GRHL2: variants seen among roughly 807,000 people sequenced by gnomAD.
The protein encoded by GRHL2 is grainyhead-like protein 2 homolog.
In GRHL2, 21 loss-of-function variants were observed where a neutral mutation model predicts 83.8. The ratio of observed to expected loss-of-function variants is 0.25; its 90% CI spans 0.18 to 0.36. The LOEUF (loss-of-function observed/expected upper bound fraction) is 0.36, where lower values mean the gene tolerates loss of function less well. Ranked by LOEUF, GRHL2 falls within the 10% of genes least tolerant of loss-of-function variation. The probability of loss-of-function intolerance (pLI) is 1.00; values close to 1 mark genes in which losing one functional copy is unlikely to be tolerated. For missense variants in GRHL2, 623 were observed against 781.8 expected, an observed-to-expected ratio of 0.80 and a Z score of 2.42; for synonymous variants, 280 against 278.9, an observed-to-expected ratio of 1.00 and a Z score of -0.04.
intron 8 of GRHL2, among the ~76,000 whole-genome samples, chr8:101,611,441 G>A (rs1363294317): frequency 6.6e-6 from 1 of 150,616 alleles, no homozygotes; most frequent in Admixed American, 6.6e-5. Flanking sequence ...TTGTCATGTG[G>A]ACACCTCCTT....
intron 14 of GRHL2, among the ~76,000 whole-genome samples, chr8:101,651,801 C>G (rs1170442436): frequency 1.3e-5 from 2 of 152,176 alleles, no homozygotes; most frequent in Non-Finnish European, 2.9e-5. Context: ...TGGCTCTGGT[C>G]AGATGTCTTA....
chr8:101,529,146 T>C (rs1810867723), intron 1 of GRHL2: 1 of 302,246 alleles, frequency 3.3e-6, no homozygotes. Flanking sequence ...ACATCTTCAT[T>C]TGCCTCTTCA....
At chr8:101,674,371 G>A (rs556693334), downstream of GRHL2, among the ~76,000 whole-genome samples, 1 of 152,158 alleles carries the variant, frequency 6.6e-6, no homozygotes, top group South Asian at 2.1e-4. Flanking sequence ...AATGATAAAG[G>A]GGATGTCACC....
chr8:101,648,882 G>A (rs369855950), intron 13 of GRHL2, among the ~76,000 whole-genome samples: 2 of 152,110 alleles, frequency 1.3e-5, no homozygotes, highest in African/African-American at 2.4e-5. Context: ...TCACGGCCAG[G>A]CCCCTATAAG....
chr8:101,520,421 T>A lies in GRHL2; in HGVS notation c.21-22820T>A, dbSNP rs140411574. Among the ~76,000 whole-genome samples, 334 of 152,284 alleles carry A rather than the reference T, an allele frequency of 2.2e-3. 4 individuals are homozygous for A. Among genetic ancestry groups the A allele is most frequent in the African/African-American group, 6.4e-3 (264 of 41,564 alleles). ...GGCTACAGAATCTTAAGGAAGACCTTATAAAGATGATTTTTCTCATTATGC... is the reference window on the plus strand; with the variant it reads ...GGCTACAGAATCTTAAGGAAGACCTAATAAAGATGATTTTTCTCATTATGC... On this transcript the variant is annotated intron_variant, in intron 1 of 15. Transcript: ENST00000646743.
At chr8:101,520,981 T>C (rs571864973) in intron 1 of GRHL2, among the ~76,000 whole-genome samples, 48 of 152,250 alleles carry the variant, frequency 3.2e-4, no homozygotes, top group African/African-American at 1.1e-3. Context: ...CCCATCTCAA[T>C]CTAAATTAGA....
At chr8:101,642,203 C>A (rs1813416144) in intron 12 of GRHL2, among the ~76,000 whole-genome samples, 1 of 152,116 alleles carries the variant, frequency 6.6e-6, no homozygotes, top group Non-Finnish European at 1.5e-5. Context: ...GAATTTGAGC[C>A]ACATAAACTT....
chr8:101,623,524 GGACAGTTCACAGTAA>G (rs1333395558), intron 9 of GRHL2, among the ~76,000 whole-genome samples: 1 of 142,266 alleles, frequency 7.0e-6, no homozygotes, highest in Non-Finnish European at 1.5e-5. Context: ...GTACACAATA[GGACAGTTCACAGTAA>G]GACAGTTCAC....
intron 1 of GRHL2, among the ~76,000 whole-genome samples, chr8:101,520,909 C>T (rs1810669330): frequency 6.6e-6 from 1 of 152,162 alleles, no homozygotes; most frequent in Admixed American, 6.5e-5. Context: ...AGAAATTCCT[C>T]CTCCTTCTGC....
chr8:101,680,070 T>A, the GRHL2 span, among the ~76,000 whole-genome samples: 2 of 118,194 alleles, frequency 1.7e-5, 1 homozygote, highest in Non-Finnish European at 3.5e-5. Context: ...AATTCACACA[T>A]AACAATATTA....
At chr8:101,625,090 A>T (rs1262133958) in intron 9 of GRHL2, among the ~76,000 whole-genome samples, 1 of 152,136 alleles carries the variant, frequency 6.6e-6, no homozygotes, top group East Asian at 1.9e-4. Context: ...TAAAGCACAA[A>T]TAAGGAAGCA....
intron 2 of GRHL2, among the ~76,000 whole-genome samples, chr8:101,551,385 T>C (rs921589081): frequency 6.6e-6 from 1 of 152,146 alleles, no homozygotes; most frequent in Non-Finnish European, 1.5e-5. Flanking sequence ...GAGATGAGAT[T>C]TGAACCCAGG....
At chr8:101,555,602 C>T (rs1811474607) in intron 3 of GRHL2, among the ~76,000 whole-genome samples, 1 of 152,096 alleles carries the variant, frequency 6.6e-6, no homozygotes, top group Non-Finnish European at 1.5e-5. Context: ...TAGCTGGATT[C>T]AGATGAAACA....
At chr8:101,514,417 A>G (rs1343060006) in intron 1 of GRHL2, among the ~76,000 whole-genome samples, 2 of 152,190 alleles carry the variant, frequency 1.3e-5, no homozygotes, top group African/African-American at 4.8e-5. Flanking sequence ...GGAGTAGGGG[A>G]GCTACGCAAG....
chr8:101,589,544 AC>A (rs1812233131), intron 7 of GRHL2, among the ~76,000 whole-genome samples: 1 of 152,258 alleles, frequency 6.6e-6, no homozygotes, highest in South Asian at 2.1e-4. Flanking sequence ...GTAATAGGTT[AC>A]AATGTCAAAT....
At chr8:101,496,912 A>C (rs1323452029) in intron 1 of GRHL2, among the ~76,000 whole-genome samples, 1 of 152,160 alleles carries the variant, frequency 6.6e-6, no homozygotes, top group Non-Finnish European at 1.5e-5. Context: ...TCAGAGTCAG[A>C]GATAACGGCA....
rs562833624 is a variant in GRHL2, at chr8:101,669,662, C to T, written c.*2959C>T. ...AGGGGGAATCTATAAACTATAAATA[C>T]AGTTATTTTATTTTTTGTACATTTT... On this transcript the variant is annotated 3_prime_UTR_variant, in exon 16 of 16. Coordinates refer to ENST00000646743, the MANE Select transcript of GRHL2 (RefSeq NM_024915.4). 1.9e-4 allele frequency: 28 copies of T among 150,478 alleles called. No homozygotes were observed. Among genetic ancestry groups the T allele is most frequent in the Middle Eastern group, 3.4e-3 (1 of 292 alleles). 9.3% of individuals were successfully genotyped at this position (150,478 alleles called of 1,614,324 possible).
At chr8:101,601,084 C>T (rs1812500014) in intron 8 of GRHL2, among the ~76,000 whole-genome samples, 1 of 151,948 alleles carries the variant, frequency 6.6e-6, no homozygotes, top group African/African-American at 2.4e-5. Context: ...TGCTCAAGCC[C>T]AGGAGGCAGA....
At chr8:101,647,038 G>T (rs1257483632) in intron 13 of GRHL2, among the ~76,000 whole-genome samples, 1 of 152,168 alleles carries the variant, frequency 6.6e-6, no homozygotes, top group African/African-American at 2.4e-5. Context: ...CAAAGACCAC[G>T]ATTTCAAAAG....
Sources: allele counts gnomAD v4.1 joint callset (sites outside exome capture counted in the v4.1 genomes callset), GRCh38; gene constraint gnomAD v4.1.1; transcripts MANE v1.5; gene names NCBI Gene and HGNC (gene_info 2026-07-23, HGNC 2026-07-21).